Variants in ELMO1 observed in about 807,000 individuals in gnomAD.
The protein encoded by ELMO1 is engulfment and cell motility 1.
A neutral mutation model predicts 98.9 loss-of-function variants in ELMO1; 26 were observed. The ratio of observed to expected loss-of-function variants is 0.26; its 90% CI spans 0.19 to 0.36. The LOEUF (loss-of-function observed/expected upper bound fraction) is 0.36. Among genes scored for constraint, ELMO1 ranks in the 10% least tolerant of loss-of-function variants. The pLI is 1.00. For synonymous variants in ELMO1, 346 were observed against 346.0 expected (o/e 1.00, Z 0.00); for missense variants, 627 against 935.2 (o/e 0.67, Z 4.30).
chr7:36,984,041 G>C (rs1011132558), intron 16 of ELMO1, among the ~76,000 whole-genome samples: 1 of 151,394 alleles, frequency 6.6e-6, no homozygotes, highest in African/African-American at 2.4e-5. Flanking sequence ...TTACCAACAG[G>C]TGCCAGCACT....
At chr7:37,095,684 C>T (rs999023804) in intron 15 of ELMO1, among the ~76,000 whole-genome samples, 4 of 152,216 alleles carry the variant, frequency 2.6e-5, no homozygotes, top group Admixed American at 1.3e-4. Context: ...GTAGTCAGTT[C>T]TACACTGTAA....
intron 8 of ELMO1, among the ~76,000 whole-genome samples, chr7:37,227,172 G>A (rs1485337946): frequency 6.6e-6 from 1 of 151,982 alleles, no homozygotes. Context: ...ACATGTCTCC[G>A]TTTTGATACA....
chr7:37,321,357 T>C (rs1477954037), intron 2 of ELMO1, among the ~76,000 whole-genome samples: 1 of 152,140 alleles, frequency 6.6e-6, no homozygotes, highest in African/African-American at 2.4e-5. Flanking sequence ...AGTAGAGTGA[T>C]ATGAATAATA....
intron 13 of ELMO1, among the ~76,000 whole-genome samples, chr7:37,166,599 A>G (rs1292685801): frequency 6.6e-6 from 1 of 152,142 alleles, no homozygotes; most frequent in Non-Finnish European, 1.5e-5. Context: ...TTATGTACCC[A>G]GTAGTCATTC....
At chr7:37,071,753 C>G (rs1340726174) in intron 15 of ELMO1, among the ~76,000 whole-genome samples, 1 of 152,040 alleles carries the variant, frequency 6.6e-6, no homozygotes, top group Non-Finnish European at 1.5e-5. Flanking sequence ...AATATCATCC[C>G]CCAGGCTCTT....
chr7:37,317,125 G>A (rs1000715167), intron 2 of ELMO1, among the ~76,000 whole-genome samples: 9 of 152,110 alleles, frequency 5.9e-5, no homozygotes, highest in African/African-American at 2.2e-4. Context: ...TCCTGAAAGG[G>A]CTCCATTTCC....
intron 13 of ELMO1, among the ~76,000 whole-genome samples, chr7:37,201,741 A>G (rs1792307655): frequency 6.6e-6 from 1 of 152,214 alleles, no homozygotes; most frequent in African/African-American, 2.4e-5. Flanking sequence ...ACTGGCTGAG[A>G]GCCAATGGCT....
chr7:36,971,268 C>G (rs968341698), intron 16 of ELMO1, among the ~76,000 whole-genome samples: 4 of 152,012 alleles, frequency 2.6e-5, no homozygotes, highest in African/African-American at 9.7e-5. Flanking sequence ...TTTGTGGAGG[C>G]GAGAGAAAGT....
At chr7:37,413,980 T>G (rs747268348) in intron 1 of ELMO1, among the ~76,000 whole-genome samples, 3 of 152,096 alleles carry the variant, frequency 2.0e-5, no homozygotes, top group Non-Finnish European at 4.4e-5. Context: ...ACCAGGCCAC[T>G]TCAGCATGGC....
chr7:37,372,511 G>A (rs1017674003), intron 1 of ELMO1, among the ~76,000 whole-genome samples: 1 of 152,102 alleles, frequency 6.6e-6, no homozygotes, highest in Non-Finnish European at 1.5e-5. Flanking sequence ...AGTCAAGCAG[G>A]TCAAAATAAA....
intron 15 of ELMO1, among the ~76,000 whole-genome samples, chr7:37,077,256 G>A (rs906732855): frequency 2.0e-5 from 3 of 152,226 alleles, no homozygotes; most frequent in African/African-American, 7.2e-5. Flanking sequence ...AGGGCGAAGG[G>A]CAGGATTAAG....
chr7:37,166,826 A>T (rs1022240829), intron 13 of ELMO1, among the ~76,000 whole-genome samples: 3 of 151,960 alleles, frequency 2.0e-5, no homozygotes, highest in African/African-American at 4.8e-5. Flanking sequence ...TGATTTGGGG[A>T]GGAGAGTTCT....
Position 37,166,068 on chromosome 7 carries a change from A to T in ELMO1, c.1087-32834T>A, listed in dbSNP as rs539098945. On this transcript the variant is annotated intron_variant, in intron 13 of 21. Coordinates refer to ENST00000310758, the MANE Select transcript of ELMO1 (RefSeq NM_014800.11). ...AACTTCTTCCTGGTTTAGTCTTGGGAGAGTGTATGTGTCGAGGAATTTATC... is the reference window on the plus strand; with the variant it reads ...AACTTCTTCCTGGTTTAGTCTTGGGTGAGTGTATGTGTCGAGGAATTTATC... 5.9e-3 allele frequency among the ~76,000 whole-genome samples: 893 copies of T among 152,266 alleles called. 22 individuals are homozygous for T. Among genetic ancestry groups the T allele is most frequent in the South Asian group, 0.013 (64 of 4,828 alleles).
chr7:36,970,180 AACACACACACACACAC>A (rs56928749), intron 16 of ELMO1, among the ~76,000 whole-genome samples: 26 of 144,350 alleles, frequency 1.8e-4, no homozygotes, highest in East Asian at 8.2e-4. Context: ...TCATACACTT[AACACACACACACACAC>A]ACACACACAC....
chr7:37,232,711 T>C (rs1308941129), intron 8 of ELMO1, among the ~76,000 whole-genome samples: 1 of 152,208 alleles, frequency 6.6e-6, no homozygotes, highest in African/African-American at 2.4e-5. Context: ...GTCATCAGTA[T>C]ACTTTGCCTC....
intron 1 of ELMO1, among the ~76,000 whole-genome samples, chr7:37,371,904 G>A (rs1802130919): frequency 1.3e-5 from 2 of 152,204 alleles, no homozygotes; most frequent in African/African-American, 4.8e-5. Flanking sequence ...GGAGAGATGG[G>A]TTGGGGGAGG....
chr7:37,038,129 T>G (rs187670940), intron 15 of ELMO1, among the ~76,000 whole-genome samples: 1 of 152,264 alleles, frequency 6.6e-6, no homozygotes, highest in African/African-American at 2.4e-5. Flanking sequence ...CACTGAAAGC[T>G]AAACAAAACA....
At chr7:36,915,353 C>T (rs1035810702) in intron 16 of ELMO1, among the ~76,000 whole-genome samples, 3 of 152,114 alleles carry the variant, frequency 2.0e-5, no homozygotes, top group East Asian at 1.9e-4. Flanking sequence ...ATATTTGAAA[C>T]AAAATTTCTC....
chr7:37,390,144 A>G (rs1057190484), intron 1 of ELMO1, among the ~76,000 whole-genome samples: 5 of 152,266 alleles, frequency 3.3e-5, no homozygotes, highest in African/African-American at 1.2e-4. Context: ...CAGACTTTTT[A>G]AAAACACAAA....
Sources: allele counts gnomAD v4.1 joint callset (sites outside exome capture counted in the v4.1 genomes callset), GRCh38; gene constraint gnomAD v4.1.1; transcripts MANE v1.5; gene names NCBI Gene and HGNC (gene_info 2026-07-23, HGNC 2026-07-21).